Variants in CDK5RAP3 observed in about 807,000 individuals in gnomAD.
CDK5RAP3 encodes the protein CDK5 regulatory subunit associated protein 3.
A neutral mutation model predicts 73.3 loss-of-function variants in CDK5RAP3; 58 were observed. That is an observed-to-expected ratio of 0.79 (90% CI 0.64 to 0.98). CDK5RAP3 has a LOEUF of 0.98. CDK5RAP3 is among the 50% of genes least tolerant of loss of function. The pLI is 0.00. For missense variants in CDK5RAP3, 525 were observed against 615.8 expected, an observed-to-expected ratio of 0.85 and a Z score of 1.56; for synonymous variants, 224 against 247.5, an observed-to-expected ratio of 0.91 and a Z score of 0.89.
At chr17:47,976,846 C>T in intron 9 of CDK5RAP3, 24 bp downstream of exon 9, 3 of 1,435,624 alleles carry the variant, frequency 2.1e-6, no homozygotes, top group Non-Finnish European at 1.9e-6. Context: ...CTCAGTCTGT[C>T]TCTCTCTGAT....
rs575376102 is a variant in CDK5RAP3, at chr17:47,975,063, C to T, written c.335-96C>T. The T allele has an allele frequency of 4.0e-5, 64 of 1,610,394 alleles. No homozygotes were observed. The African/African-American group carries it at 5.6e-4, about 14-fold the overall frequency. On this transcript the variant is annotated intron_variant, in intron 5 of 13. Coordinates refer to ENST00000338399, the MANE Select transcript of CDK5RAP3 (RefSeq NM_176096.3). ...ACAAGTGGGGCTGGGAAGCTGACTTCGTGCTCTTCACCACCACAAAGGATG... is the reference window on the plus strand; with the variant it reads ...ACAAGTGGGGCTGGGAAGCTGACTTTGTGCTCTTCACCACCACAAAGGATG...
chr17:47,980,936 T>C lies in CDK5RAP3; in HGVS notation c.1283+138T>C. 7.2e-6 allele frequency: 7 copies of C among 977,558 alleles called. No individual in the cohort carries two copies. The South Asian group carries it at 7.9e-5, about 11-fold the overall frequency. The allele number at this position is 977,558 out of a possible 1,614,324, so 60.6% of individuals were successfully genotyped here. Reference sequence around the variant, plus strand: ...CATCCACTGGGGATAGGGGTTCTCTTTGGGACAAGAGGGGGAGGTTTCACA... The same window carrying C: ...CATCCACTGGGGATAGGGGTTCTCTCTGGGACAAGAGGGGGAGGTTTCACA... On this transcript the variant is annotated intron_variant, in intron 12 of 13. Transcript: ENST00000338399.
chr17:47,975,644 T>A lies in CDK5RAP3; in HGVS notation c.644T>A (p.Val215Glu). The part of the protein sequence containing the change: ...IDVYQASVGF[V>E]CESPTEQVLP... ...GTGTACCAGGCGTCTGTGGGGTTTG[T>A]GTGTGAGAGGTAGAGAGGCCTCAGC... The change falls in exon 7 of 14, where the codon GTG becomes GAG. Residue 215 changes from valine to glutamate, a missense_variant. Coordinates refer to ENST00000338399, the MANE Select transcript of CDK5RAP3 (RefSeq NM_176096.3). 6.2e-7 allele frequency: 1 copy of A among 1,600,650 alleles called. No individual in the cohort carries two copies. Among genetic ancestry groups the A allele is most frequent in the Non-Finnish European group, 8.5e-7 (1 of 1,177,256 alleles).
intron 2 of CDK5RAP3, among the ~76,000 whole-genome samples, chr17:47,971,759 C>T (rs2255814): frequency 0.19 from 28,762 of 152,004 alleles, 3,463 homozygotes; most frequent in East Asian, 0.52. Context: ...CACCTGAGGT[C>T]AGGAGTTCGA....
intron 5 of CDK5RAP3, chr17:47,974,756 G>T: frequency 3.0e-6 from 2 of 661,880 alleles, no homozygotes; most frequent in Non-Finnish European, 2.1e-6. Context: ...CCCCACCCCC[G>T]CACCCCCATT....
At chr17:47,970,043 G>A (rs2036230928), upstream of CDK5RAP3, among the ~76,000 whole-genome samples, 1 of 151,966 alleles carries the variant, frequency 6.6e-6, no homozygotes, top group African/African-American at 2.4e-5. Flanking sequence ...CATATCTTGT[G>A]TCCCAGCTCA....
At chr17:47,976,857 C>G in intron 9 of CDK5RAP3, 35 bp downstream of exon 9, 3 of 1,327,842 alleles carry the variant, frequency 2.3e-6, no homozygotes, top group Non-Finnish European at 3.2e-6. Context: ...TCTCTCTGAT[C>G]ACTACTCTAA....
chr17:47,973,089 A>C (rs939276939), intron 2 of CDK5RAP3, among the ~76,000 whole-genome samples: 1 of 152,216 alleles, frequency 6.6e-6, no homozygotes, highest in Non-Finnish European at 1.5e-5. Context: ...CTGTTCATTC[A>C]TCCAGTACTT....
chr17:47,974,840 C>T, intron 5 of CDK5RAP3: 1 of 1,260,268 alleles, frequency 7.9e-7, no homozygotes, highest in Non-Finnish European at 1.0e-6. Flanking sequence ...ACAGGACTAA[C>T]TGTGTTTGGG....
chr17:47,974,366 T>A lies in CDK5RAP3; in HGVS notation c.286-34T>A, dbSNP rs375741457. 139 of 1,594,392 alleles carry A rather than the reference T, an allele frequency of 8.7e-5. No homozygotes were observed. The African/African-American group carries it at 1.7e-3, about 20-fold the overall frequency. ...CTGGGATGTGGCTGTCGAGTGCTTT[T>A]CTGGCTTAACATTGTTTTTCTGTTC... is the stretch of plus-strand genomic sequence containing the variant. On this transcript the variant is annotated intron_variant, in intron 4 of 13. Transcript: ENST00000338399.
upstream of CDK5RAP3, chr17:47,970,737 C>G (rs1426443547): frequency 2.0e-6 from 3 of 1,533,728 alleles, no homozygotes; most frequent in Admixed American, 3.9e-5. Flanking sequence ...TTTGCAACGG[C>G]CTCCCAGATC....
chr17:47,981,301 G>A lies in CDK5RAP3; in HGVS notation c.1422G>A (p.Leu474=), dbSNP rs2036548749. ...CGGCTCTGGAGCCTAAGCTGGACCT[G>A]CTACTGGAGAAGACCAAGGAGCTGC... is the stretch of plus-strand genomic sequence containing the variant. The part of the protein sequence containing the change: ...EQAALEPKLD[L]LLEKTKELQK... Residue 474 remains leucine, a synonymous_variant, in exon 13 of 14, where the codon CTG becomes CTA. Coordinates refer to ENST00000338399, the MANE Select transcript of CDK5RAP3 (RefSeq NM_176096.3). 1.2e-6 allele frequency: 2 copies of A among 1,614,130 alleles called. No individual in the cohort carries two copies. The highest frequency in any genetic ancestry group is 1.3e-5 in the African/African-American group (1 of 74,958).
intron 2 of CDK5RAP3, among the ~76,000 whole-genome samples, chr17:47,972,806 T>G (rs1220642381): frequency 1.3e-5 from 2 of 152,204 alleles, no homozygotes; most frequent in African/African-American, 4.8e-5. Context: ...CAGTGTCTTA[T>G]TATTCCCCAT....
intron 9 of CDK5RAP3, 81 bp from the exon 10 acceptor site, chr17:47,977,751 A>C: frequency 8.3e-7 from 1 of 1,206,974 alleles, no homozygotes; most frequent in Non-Finnish European, 1.2e-6. Flanking sequence ...CATTGACCTC[A>C]TCAAGGGCTT....
chr17:47,976,450 C>G (rs2036413773), intron 8 of CDK5RAP3: 1 of 402,126 alleles, frequency 2.5e-6, no homozygotes, highest in Non-Finnish European at 4.6e-6. Flanking sequence ...ACCTCTGCCT[C>G]TCAGCCTCAA....
intron 8 of CDK5RAP3, 196 bp from the exon 9 acceptor site, chr17:47,976,516 C>G: frequency 2.1e-6 from 1 of 485,274 alleles, no homozygotes; most frequent in South Asian, 2.1e-5. Context: ...TGCACCACCA[C>G]TCCTAGCTAA....
At chr17:47,971,238 C>T (rs773965355) in intron 1 of CDK5RAP3, 86 bp downstream of exon 1, 3 of 1,532,630 alleles carry the variant, frequency 2.0e-6, no homozygotes, top group South Asian at 2.4e-5. Flanking sequence ...GCGGCTCAAC[C>T]CAGCCCATCG....
At chr17:47,969,360 T>C (rs998998435), upstream of CDK5RAP3, among the ~76,000 whole-genome samples, 6 of 151,680 alleles carry the variant, frequency 4.0e-5, no homozygotes, top group Non-Finnish European at 7.4e-5. Context: ...ATCGAGACCA[T>C]CCTGGCTAAC....
intron 3 of CDK5RAP3, 66 bp from the exon 4 acceptor site, chr17:47,973,865 C>T: frequency 7.5e-7 from 1 of 1,325,566 alleles, no homozygotes; most frequent in Non-Finnish European, 1.1e-6. Context: ...GAATCAGCCA[C>T]CTGCAGTGCC....
Sources: allele counts gnomAD v4.1 joint callset (sites outside exome capture counted in the v4.1 genomes callset), GRCh38; gene constraint gnomAD v4.1.1; transcripts MANE v1.5; gene names NCBI Gene and HGNC (gene_info 2026-07-23, HGNC 2026-07-21).